Variants in ACSM6 observed in about 807,000 individuals in gnomAD.
ACSM6 encodes the protein acyl-coenzyme A synthetase ACSM6, mitochondrial.
In ACSM6, 35 loss-of-function variants were observed where a neutral mutation model predicts 51.1. The ratio of observed to expected loss-of-function variants is 0.69; its 90% CI spans 0.52 to 0.91. The LOEUF (loss-of-function observed/expected upper bound fraction) is 0.91, where lower values mean the gene tolerates loss of function less well. Among genes scored for constraint, ACSM6 ranks in the 40% least tolerant of loss-of-function variants. ACSM6 has a pLI of 0.00. For missense variants in ACSM6, 509 were observed against 584.1 expected, an observed-to-expected ratio of 0.87 and a Z score of 1.32; for synonymous variants, 172 against 207.3, an observed-to-expected ratio of 0.83 and a Z score of 1.46.
chr10:95,200,820 TGAGA>T (rs899351666), intron 2 of ACSM6, among the ~76,000 whole-genome samples: 10 of 135,526 alleles, frequency 7.4e-5, no homozygotes, highest in Non-Finnish European at 1.6e-4. Flanking sequence ...GGGAAAGAGA[TGAGA>T]GAGAGAGAGG....
intron 2 of ACSM6, 43 bp downstream of exon 2, chr10:95,194,720 C>A: frequency 6.7e-7 from 1 of 1,502,946 alleles, no homozygotes. Flanking sequence ...TGGCCAAGGC[C>A]AGTTGGTAAA....
chr10:95,211,944 A>C (rs749939081), exon 6 of ACSM6: 6 of 1,613,854 alleles, frequency 3.7e-6, no homozygotes, highest in African/African-American at 1.3e-5. Context: ...GTGGATCTTT[A>C]TCCCTGAGCG....
At chr10:95,195,117 A>G (rs1438571635) in intron 2 of ACSM6, among the ~76,000 whole-genome samples, 1 of 152,234 alleles carries the variant, frequency 6.6e-6, no homozygotes, top group African/African-American at 2.4e-5. Flanking sequence ...AACATTTTTG[A>G]GCATCTTCTA....
rs138613844 is a variant in ACSM6 at position 95,202,212 on chromosome 10, G to A, written c.403+17G>A. ...TGCGCTTGGGTGAGGCATGGGAGACGGACCCCAGGGGTTGGAGGCTTATGT... is the reference window on the plus strand; with the variant it reads ...TGCGCTTGGGTGAGGCATGGGAGACAGACCCCAGGGGTTGGAGGCTTATGT... On this transcript the variant is annotated intron_variant, in intron 3 of 10. Transcript: ENST00000341686. The A allele has an allele frequency of 3.5e-4, 539 of 1,544,602 alleles. 1 individual carries two copies. The East Asian group carries it at 6.6e-3, about 19-fold the overall frequency.
intron 8 of ACSM6, among the ~76,000 whole-genome samples, chr10:95,215,777 T>G (rs113223886): frequency 6.6e-6 from 1 of 152,336 alleles, no homozygotes; most frequent in African/African-American, 2.4e-5. Flanking sequence ...TTCTAGAGGC[T>G]GGAAGTCCAA....
chr10:95,204,274 C>T lies in ACSM6; in HGVS notation c.403+2079C>T, dbSNP rs772087929. On this transcript the variant is annotated intron_variant, in intron 3 of 10. Transcript: ENST00000341686. Reference sequence around the variant, plus strand: ...AAAGTATATGTAAGAATTTATCAGCCGGGCGCAGTGGCTACGCCTGTAATC... The same window carrying T: ...AAAGTATATGTAAGAATTTATCAGCTGGGCGCAGTGGCTACGCCTGTAATC... Among the ~76,000 whole-genome samples, 10 of 152,226 alleles carry T rather than the reference C, an allele frequency of 6.6e-5. No homozygotes were observed. In the East Asian group the frequency reaches 9.7e-4, roughly 15 times the overall value.
chr10:95,199,787 C>G (rs1258361671), intron 2 of ACSM6, among the ~76,000 whole-genome samples: 2 of 152,192 alleles, frequency 1.3e-5, no homozygotes, highest in African/African-American at 4.8e-5. Flanking sequence ...AAATGCAAAT[C>G]AAAACCACAA....
intron 8 of ACSM6, among the ~76,000 whole-genome samples, chr10:95,217,880 G>A (rs760374587): frequency 7.2e-5 from 11 of 152,176 alleles, no homozygotes; most frequent in Non-Finnish European, 1.5e-4. Flanking sequence ...GCTCACGCTT[G>A]GTACGCAAGT....
rs74150794 is a variant in ACSM6, at chr10:95,213,434, C to A, written c.995+494C>A. On this transcript the variant is annotated intron_variant, in intron 7 of 10. Coordinates refer to ENST00000341686, the Ensembl canonical transcript of ACSM6. ...ATGTGTATCTACCTATCCATCTATC[C>A]CAAAAGAAACATATTATGATATTGG... 4.5e-3 allele frequency among the ~76,000 whole-genome samples: 687 copies of A among 152,048 alleles called. 7 individuals carry two copies. The highest frequency in any genetic ancestry group is 0.016 in the African/African-American group (657 of 41,454).
chr10:95,225,503 T>G, intron 10 of ACSM6, 112 bp downstream of exon 10: 1 of 711,046 alleles, frequency 1.4e-6, no homozygotes, highest in Non-Finnish European at 2.2e-6. Context: ...ATTTTTAATT[T>G]TGCAAATTTT....
intron 9 of ACSM6, among the ~76,000 whole-genome samples, chr10:95,220,265 A>C (rs1419546558): frequency 1.3e-5 from 2 of 152,224 alleles, no homozygotes; most frequent in Non-Finnish European, 2.9e-5. Flanking sequence ...TATTAAAAAG[A>C]TATGTGCAAA....
exon 4 of ACSM6, chr10:95,207,254 T>C (rs963463455): frequency 1.2e-6 from 2 of 1,614,012 alleles, no homozygotes; most frequent in Non-Finnish European, 1.7e-6. Context: ...CCAAGAAAAT[T>C]CGCTATCAAT....
chr10:95,207,322 A>G, exon 4 of ACSM6: 1 of 1,614,000 alleles, frequency 6.2e-7, no homozygotes, highest in Non-Finnish European at 8.5e-7. Context: ...CCAGTTGTAA[A>G]CTCTGCCGTG....
Position 95,194,791 on chromosome 10 carries a change from A to T in ACSM6, c.192+114A>T, listed in dbSNP as rs544576358. 1.6e-5 allele frequency: 15 copies of T among 936,588 alleles called. No individual in the cohort carries two copies. The South Asian group carries it at 2.6e-4, about 16-fold the overall frequency. The allele number at this position is 936,588 out of a possible 1,614,324, so 58.0% of individuals were successfully genotyped here. ...GGCTGGCACTAGAAAGTGCAAATTC[A>T]GAGAAAAGAAATTATAGCAAAATGA... is the stretch of plus-strand genomic sequence containing the variant. On this transcript the variant is annotated intron_variant, in intron 2 of 10. Transcript: ENST00000341686.
At chr10:95,206,292 G>A (rs2034837996) in intron 3 of ACSM6, among the ~76,000 whole-genome samples, 1 of 152,074 alleles carries the variant, frequency 6.6e-6, no homozygotes, top group African/African-American at 2.4e-5. Flanking sequence ...TTACCATAAT[G>A]TTTTCAAGGT....
chr10:95,206,371 T>C (rs1400351953), intron 3 of ACSM6, among the ~76,000 whole-genome samples: 3 of 152,242 alleles, frequency 2.0e-5, no homozygotes, highest in Non-Finnish European at 2.9e-5. Context: ...ATTGTGTAAA[T>C]ATATATACTA....
chr10:95,225,734 T>C (rs757795607), intron 10 of ACSM6: 2 of 175,360 alleles, frequency 1.1e-5, no homozygotes, highest in Non-Finnish European at 2.4e-5. Context: ...AAAATAATTA[T>C]TTAATACTAT....
chr10:95,207,401 C>T, exon 4 of ACSM6: 1 of 1,614,016 alleles, frequency 6.2e-7, no homozygotes, highest in Admixed American at 1.7e-5. Flanking sequence ...GGTTGGATTT[C>T]AAGAAGTTGA....
Position 95,195,977 on chromosome 10 carries a change from C to T in ACSM6, c.192+1300C>T, listed in dbSNP as rs769368285. ...TTGGGGTGCTTTCATCTTTGCTGAGCTGTGCCCCCTCTTGGGGTGCCCTCC... is the reference window on the plus strand; with the variant it reads ...TTGGGGTGCTTTCATCTTTGCTGAGTTGTGCCCCCTCTTGGGGTGCCCTCC... On this transcript the variant is annotated intron_variant, in intron 2 of 10. Transcript: ENST00000341686. 1.4e-4 allele frequency among the ~76,000 whole-genome samples: 21 copies of T among 146,680 alleles called. 1 individual carries two copies. The highest frequency in any genetic ancestry group is 1.0e-3 in the Admixed American group (15 of 14,564).
Sources: gnomAD v4.1 joint callset for allele counts (sites outside exome capture counted in the v4.1 genomes callset) on GRCh38, gnomAD v4.1.1 for gene constraint, MANE v1.5 for transcripts, NCBI Gene and HGNC (gene_info 2026-07-23, HGNC 2026-07-21) for gene names.